TENM2: variants seen among roughly 807,000 people sequenced by gnomAD.
TENM2 encodes teneurin transmembrane protein 2, also known as teneurin-2.
In TENM2, 52 loss-of-function variants were observed where a neutral mutation model predicts 245.2. That is an observed-to-expected ratio of 0.21 (90% CI 0.17 to 0.27). The LOEUF is 0.27. TENM2 is among the 10% of genes least tolerant of loss of function. The pLI is 1.00. For missense variants in TENM2, 3,046 were observed against 3,666.8 expected, an observed-to-expected ratio of 0.83 and a Z score of 4.37; for synonymous variants, 1,363 against 1,438.9, an observed-to-expected ratio of 0.95 and a Z score of 1.19.
chr5:167,392,615 G>A (rs1193183181), intron 2 of TENM2, among the ~76,000 whole-genome samples: 1 of 152,100 alleles, frequency 6.6e-6, no homozygotes, highest in Non-Finnish European at 1.5e-5. Flanking sequence ...CAGCTTGCAG[G>A]CAGCAGATGG....
At chr5:167,904,023 T>G (rs960327034) in intron 3 of TENM2, among the ~76,000 whole-genome samples, 5 of 152,174 alleles carry the variant, frequency 3.3e-5, no homozygotes, top group African/African-American at 1.2e-4. Context: ...ATCTGAGCGG[T>G]CAATTTAATC....
chr5:167,585,710 A>T (rs958877785), intron 2 of TENM2, among the ~76,000 whole-genome samples: 3 of 152,182 alleles, frequency 2.0e-5, no homozygotes, highest in Non-Finnish European at 4.4e-5. Context: ...ATATAATAAT[A>T]GAATAAAAAT....
At chr5:167,215,205 A>G in the TENM2 span, among the ~76,000 whole-genome samples, 1 of 152,184 alleles carries the variant, frequency 6.6e-6, no homozygotes, top group African/African-American at 2.4e-5. Context: ...AGTGATTCAC[A>G]ACCTTCATTG....
intron 2 of TENM2, among the ~76,000 whole-genome samples, chr5:167,693,644 A>C (rs985731361): frequency 3.3e-5 from 5 of 151,988 alleles, no homozygotes; most frequent in Admixed American, 1.3e-4. Flanking sequence ...AAAAAAAAAA[A>C]AAAAAACCAC....
At chr5:166,979,188 C>CAGCAGCAGCAGCAGCAGCAG in the TENM2 span, among the ~76,000 whole-genome samples, 3 of 97,550 alleles carry the variant, frequency 3.1e-5, no homozygotes, top group Admixed American at 1.2e-4. Flanking sequence ...AGCAGCAGCA[C>CAGCAGCAGCAGCAGCAGCAG]CACCACCAGC....
chr5:168,064,914 G>A (rs971420014), intron 7 of TENM2, among the ~76,000 whole-genome samples: 3 of 152,182 alleles, frequency 2.0e-5, no homozygotes, highest in Non-Finnish European at 2.9e-5. Flanking sequence ...ACATTCATTC[G>A]CTGTCATTAC....
intron 2 of TENM2, among the ~76,000 whole-genome samples, chr5:167,678,598 T>C (rs1217094995): frequency 6.6e-6 from 1 of 152,134 alleles, no homozygotes; most frequent in Non-Finnish European, 1.5e-5. Context: ...AGACTGCATC[T>C]CATTTGAGGG....
exon 19 of TENM2, chr5:168,204,540 A>G: frequency 6.2e-7 from 1 of 1,613,968 alleles, no homozygotes; most frequent in Non-Finnish European, 8.5e-7. Context: ...GTTGGAATCG[A>G]TGGGAGCCTC....
At chr5:167,733,019 A>C (rs551727806) in intron 2 of TENM2, among the ~76,000 whole-genome samples, 2 of 152,294 alleles carry the variant, frequency 1.3e-5, no homozygotes, top group African/African-American at 4.8e-5. Flanking sequence ...TTTTCCTATC[A>C]GGAAATATTT....
At chr5:167,021,203 A>G in the TENM2 span, among the ~76,000 whole-genome samples, 1 of 152,220 alleles carries the variant, frequency 6.6e-6, no homozygotes, top group Admixed American at 6.5e-5. Flanking sequence ...AAAGTGGCCT[A>G]TGCCTTATAA....
intron 1 of TENM2, among the ~76,000 whole-genome samples, chr5:167,310,866 C>G (rs955108908): frequency 6.6e-6 from 1 of 152,140 alleles, no homozygotes; most frequent in African/African-American, 2.4e-5. Context: ...TTAGTTTATA[C>G]TAAATGTAAA....
At chr5:168,137,708 C>T (rs374404676) in intron 12 of TENM2, among the ~76,000 whole-genome samples, 6 of 152,286 alleles carry the variant, frequency 3.9e-5, no homozygotes, top group East Asian at 3.9e-4. Flanking sequence ...TGGAAGATAC[C>T]GGAGGCAGTG....
intron 2 of TENM2, among the ~76,000 whole-genome samples, chr5:167,680,059 T>G (rs774598245): frequency 1.3e-5 from 2 of 152,104 alleles, no homozygotes; most frequent in East Asian, 3.9e-4. Flanking sequence ...GACACAGGCT[T>G]TGGAGAAAGT....
At chr5:167,463,465 G>A (rs780413249) in intron 2 of TENM2, among the ~76,000 whole-genome samples, 1 of 151,982 alleles carries the variant, frequency 6.6e-6, no homozygotes, top group African/African-American at 2.4e-5. Context: ...TTATGTGTAT[G>A]TGAGTATTTT....
chr5:167,974,842 T>C (rs973616397), intron 4 of TENM2, among the ~76,000 whole-genome samples: 1 of 152,174 alleles, frequency 6.6e-6, no homozygotes, highest in African/African-American at 2.4e-5. Context: ...CTCTTCTTCC[T>C]TGCTTCTCCT....
the TENM2 span, among the ~76,000 whole-genome samples, chr5:167,094,340 C>T: frequency 6.6e-6 from 1 of 152,110 alleles, no homozygotes; most frequent in Admixed American, 6.5e-5. Flanking sequence ...TTTCTTCCAC[C>T]CCTATTCCCA....
At chr5:167,679,244 T>G (rs530049881) in intron 2 of TENM2, among the ~76,000 whole-genome samples, 1 of 152,280 alleles carries the variant, frequency 6.6e-6, no homozygotes, top group African/African-American at 2.4e-5. Flanking sequence ...TACCTAGGAA[T>G]AAATAGTACT....
intron 2 of TENM2, among the ~76,000 whole-genome samples, chr5:167,504,422 T>C (rs544763295): frequency 6.6e-6 from 1 of 152,362 alleles, no homozygotes; most frequent in East Asian, 1.9e-4. Flanking sequence ...ATGTATTGCC[T>C]GTGGATTTTT....
At chr5:168,005,343 A>G (rs909835789) in intron 5 of TENM2, among the ~76,000 whole-genome samples, 2 of 152,202 alleles carry the variant, frequency 1.3e-5, no homozygotes, top group African/African-American at 4.8e-5. Context: ...TGCTGTCAAA[A>G]CATGAAAAAA....
Sources: gnomAD v4.1 joint callset for allele counts (sites outside exome capture counted in the v4.1 genomes callset) on GRCh38, gnomAD v4.1.1 for gene constraint, MANE v1.5 for transcripts, NCBI Gene and HGNC (gene_info 2026-07-23, HGNC 2026-07-21) for gene names.